The following LCP2 variants were observed in gnomAD, a reference collection of about 807,000 sequenced individuals.
LCP2 encodes the protein lymphocyte cytosolic protein 2.
In LCP2, 29 loss-of-function variants were observed where a neutral mutation model predicts 74.5. That is an observed-to-expected ratio of 0.39 (90% confidence interval 0.29 to 0.53). The LOEUF is 0.53. LCP2 is among the 20% of genes least tolerant of loss of function. LCP2 has a pLI of 0.72. For missense variants in LCP2, 604 were observed against 634.6 expected (o/e 0.95, Z 0.52); for synonymous variants, 228 against 229.5 (o/e 0.99, Z 0.06).
At chr5:170,253,614 C>T (rs1761494323) in intron 17 of LCP2, among the ~76,000 whole-genome samples, 1 of 152,120 alleles carries the variant, frequency 6.6e-6, no homozygotes, top group South Asian at 2.1e-4. Flanking sequence ...AATGGATTCC[C>T]AACAGCTGAT....
rs1762322304 is a variant in LCP2 at position 170,293,392 on chromosome 5, G to A, written c.79-20C>T. 5.7e-6 allele frequency: 9 copies of A among 1,574,344 alleles called. No homozygotes were observed. In the South Asian group the frequency reaches 9.3e-5, roughly 16 times the overall value. On this transcript the variant is annotated intron_variant, in intron 1 of 20. Coordinates refer to ENST00000046794, the MANE Select transcript of LCP2 (RefSeq NM_005565.5). ...GTTGAGCTGCAAAGAGAAGGGGAAG[G>A]TGTTGTTAGTGACGGGCAGTCTCTT...
intron 3 of LCP2, among the ~76,000 whole-genome samples, chr5:170,280,473 C>T (rs915563422): frequency 2.6e-5 from 4 of 152,178 alleles, no homozygotes; most frequent in Non-Finnish European, 5.9e-5. Context: ...AAATTCTATC[C>T]TTGTCACCTG....
intron 15 of LCP2, 65 bp downstream of exon 15, chr5:170,258,801 T>C: frequency 8.2e-7 from 1 of 1,215,418 alleles, no homozygotes; most frequent in Non-Finnish European, 1.2e-6. Context: ...CAATTCCACT[T>C]GAATGCCTGA....
At chr5:170,248,940 A>C (rs2113142592) in intron 20 of LCP2, 121 bp from the exon 21 acceptor site, 2 of 965,586 alleles carry the variant, frequency 2.1e-6, no homozygotes, top group East Asian at 2.7e-5. Context: ...TGTGGGGGGA[A>C]AAAATGTAAA....
intron 7 of LCP2, chr5:170,270,445 C>A: frequency 2.6e-6 from 1 of 382,698 alleles, no homozygotes; most frequent in Non-Finnish European, 4.6e-6. Flanking sequence ...CTGATATCAG[C>A]CACCATAGGC....
chr5:170,248,777 T>G lies in LCP2; in HGVS notation c.1522A>C (p.Met508Leu), dbSNP rs1761358075. Residue 508 changes from methionine (M) to leucine (L), a missense_variant, in exon 21 of 21, where the codon ATG becomes CTG. Transcript: ENST00000046794. ...TTCCCATCAATGAGCAGAAGTGGCATTTTCCTGAAGTAGTCAATAATATCT... is the reference window on the plus strand; with the variant it reads ...TTCCCATCAATGAGCAGAAGTGGCAGTTTCCTGAAGTAGTCAATAATATCT... Reference protein sequence around the residue: ...VSDIIDYFRKMPLLLIDGKNR... With the variant: ...VSDIIDYFRKLPLLLIDGKNR... 1.9e-6 allele frequency: 3 copies of G among 1,611,962 alleles called. No homozygotes were observed. In the East Asian group the frequency reaches 6.7e-5, roughly 36 times the overall value.
rs202102953 is a variant in LCP2 at position 170,253,142 on chromosome 5, G to T, written c.1222C>A (p.Pro408Thr). 3.8e-4 allele frequency: 617 copies of T among 1,611,250 alleles called. No individual in the cohort carries two copies. The highest frequency in any genetic ancestry group is 5.1e-4 in the Non-Finnish European group (600 of 1,178,492). Reference sequence around the variant, plus strand: ...ACCTCTTCCTCCGCGGGGGATGGGGGCCGAGGTTTGTTTGGAAGTGGCAAG... The same window carrying T: ...ACCTCTTCCTCCGCGGGGGATGGGGTCCGAGGTTTGTTTGGAAGTGGCAAG... ...FPLPLPNKPR[P>T]PSPAEEENSL... Residue 408 changes from proline (P) to threonine (T), a missense_variant, in exon 18 of 21, where the codon CCC becomes ACC. Pro to Thr is a conservative substitution (Grantham distance 38). Coordinates refer to ENST00000046794, the MANE Select transcript of LCP2 (RefSeq NM_005565.5).
At position 170,268,473 on chromosome 5, in the gene LCP2, G is replaced by T. The variant is rs759952338; in HGVS notation, c.533C>A (p.Pro178His). 5 of 276,742 alleles carry T rather than the reference G, an allele frequency of 1.8e-5. No individual in the cohort carries two copies. Among genetic ancestry groups the T allele is most frequent in the African/African-American group, 7.0e-5 (3 of 43,060 alleles). The allele number at this position is 276,742 out of a possible 1,614,324, so 17.1% of individuals were successfully genotyped here. A position where few individuals can be genotyped will look rare whatever the true frequency, so the allele number is the denominator to read the frequency against. The stretch of plus-strand genomic sequence containing the variant: ...AGGCTGCTGGGGGGTTTTCCCAGAG[G>T]GGGGCCGGTCTGTGGAAACACAAGG... Reference protein sequence around the residue: ...NSNSMYIDRPPSGKTPQQPPV... With the variant: ...NSNSMYIDRPHSGKTPQQPPV... Residue 178 changes from proline to histidine, a missense_variant, in exon 8 of 21, where the codon CCC becomes CAC. Physicochemically the swap from Pro to His is moderately conservative, Grantham distance 77. Transcript: ENST00000046794.
intron 15 of LCP2, 100 bp downstream of exon 15, chr5:170,258,766 G>T: frequency 4.0e-6 from 3 of 751,366 alleles, no homozygotes; most frequent in South Asian, 1.8e-5. Context: ...ACTTATAATT[G>T]ATTCTATGGG....
At chr5:170,271,138 G>A (rs948857487) in intron 6 of LCP2, among the ~76,000 whole-genome samples, 4 of 152,114 alleles carry the variant, frequency 2.6e-5, no homozygotes, top group Admixed American at 6.5e-5. Context: ...GAAGGTCTTC[G>A]GACCACCTTT....
chr5:170,250,994 C>G, intron 19 of LCP2, 109 bp from the exon 20 acceptor site: 1 of 802,572 alleles, frequency 1.2e-6, no homozygotes, highest in Non-Finnish European at 2.0e-6. Context: ...GTCAGTTGCA[C>G]TTTGCAGCTT....
chr5:170,250,126 T>A (rs1226167152), intron 20 of LCP2, among the ~76,000 whole-genome samples: 1 of 152,192 alleles, frequency 6.6e-6, no homozygotes, highest in African/African-American at 2.4e-5. Flanking sequence ...GAACTTAGAG[T>A]ATGTTTGGGG....
chr5:170,285,122 A>T (rs190473536), intron 3 of LCP2, among the ~76,000 whole-genome samples: 11 of 152,298 alleles, frequency 7.2e-5, no homozygotes, highest in Admixed American at 5.9e-4. Context: ...AATTTCTATT[A>T]CTGTATCTTC....
chr5:170,270,248 C>A (rs1036568420), intron 7 of LCP2, among the ~76,000 whole-genome samples: 1 of 152,170 alleles, frequency 6.6e-6, no homozygotes, highest in Non-Finnish European at 1.5e-5. Context: ...TCGTAAACAC[C>A]ATCTAATATT....
Position 170,266,884 on chromosome 5 carries a change from A to G in LCP2, c.696T>C (p.Ala232=). ...SRNHKTAKLP[A]PSIDRSTKPP... is the part of the protein sequence containing the mutation. Reference sequence around the variant, plus strand: ...GTTTCGTGCTTCTGTCTATTGAAGGAGCAGGGACTGGAAGGGGAAAAGGCT... The same window carrying G: ...GTTTCGTGCTTCTGTCTATTGAAGGGGCAGGGACTGGAAGGGGAAAAGGCT... The change falls in exon 10 of 21, where the codon GCT becomes GCC. Residue 232 remains alanine, a synonymous_variant. Transcript: ENST00000046794. 1 of 1,613,896 alleles carries G rather than the reference A, an allele frequency of 6.2e-7. No individual in the cohort carries two copies. Among genetic ancestry groups the G allele is most frequent in the South Asian group, 1.1e-5 (1 of 91,088 alleles).
chr5:170,274,454 C>T, intron 5 of LCP2, 116 bp from the exon 6 acceptor site: 1 of 1,035,784 alleles, frequency 9.7e-7, no homozygotes. Context: ...CCCTGGCCTC[C>T]ACCTACCTCC....
chr5:170,262,572 G>GCA (rs1430661839), intron 13 of LCP2, 63 bp downstream of exon 13: 1 of 1,281,502 alleles, frequency 7.8e-7, no homozygotes, highest in East Asian at 2.4e-5. Flanking sequence ...TGCAGAGTCA[G>GCA]CACAGGGCAG....
chr5:170,276,428 C>T (rs771122950), intron 3 of LCP2, among the ~76,000 whole-genome samples: 4 of 152,114 alleles, frequency 2.6e-5, no homozygotes, highest in Non-Finnish European at 5.9e-5. Flanking sequence ...CTTGGTGATG[C>T]GGATTCTTAT....
intron 3 of LCP2, among the ~76,000 whole-genome samples, chr5:170,279,063 G>A (rs1421080172): frequency 6.6e-6 from 1 of 152,144 alleles, no homozygotes; most frequent in African/African-American, 2.4e-5. Flanking sequence ...AGTGAGTGGA[G>A]GGAGGTGACT....
Sources: gnomAD v4.1 joint callset for allele counts (sites outside exome capture counted in the v4.1 genomes callset) on GRCh38, gnomAD v4.1.1 for gene constraint, MANE v1.5 for transcripts, NCBI Gene and HGNC (gene_info 2026-07-23, HGNC 2026-07-21) for gene names.